PRORP: variants seen among roughly 807,000 people sequenced by gnomAD.
The protein encoded by PRORP is protein only RNase P catalytic subunit, also known as mitochondrial ribonuclease P catalytic subunit.
Under a neutral mutation model 59.4 loss-of-function variants are expected in PRORP, and 51 were observed. The ratio of observed to expected loss-of-function variants is 0.86; its 90% CI spans 0.69 to 1.08. PRORP has a LOEUF of 1.08. Ranked by LOEUF, PRORP falls within the 50% of genes least tolerant of loss-of-function variation. PRORP has a pLI of 0.00. For synonymous variants in PRORP, 231 were observed against 245.6 expected (o/e 0.94, Z 0.55); for missense variants, 646 against 690.3 (o/e 0.94, Z 0.72).
chr14:35,130,484 C>CT (rs58327846), intron 4 of PRORP, among the ~76,000 whole-genome samples: 17 of 146,786 alleles, frequency 1.2e-4, no homozygotes, highest in South Asian at 6.4e-4. Flanking sequence ...ATGTCCTTTT[C>CT]TTTTTTTTTT....
At chr14:35,167,375 C>CT (rs1047631462) in intron 4 of PRORP, among the ~76,000 whole-genome samples, 4 of 152,110 alleles carry the variant, frequency 2.6e-5, no homozygotes, top group Non-Finnish European at 4.4e-5. Flanking sequence ...CACCTCTACT[C>CT]TTTTTTGTCT....
At chr14:35,267,514 C>T (rs772682294) in intron 6 of PRORP, among the ~76,000 whole-genome samples, 15 of 152,008 alleles carry the variant, frequency 9.9e-5, no homozygotes, top group Non-Finnish European at 2.2e-4. Context: ...CGATGCAGGC[C>T]GGGCTCAGCC....
At chr14:35,137,364 G>A (rs2047398624) in intron 4 of PRORP, among the ~76,000 whole-genome samples, 1 of 145,312 alleles carries the variant, frequency 6.9e-6, no homozygotes, top group African/African-American at 2.4e-5. Context: ...GCACAAATGT[G>A]GAGGTTGGAA....
intron 5 of PRORP, among the ~76,000 whole-genome samples, chr14:35,237,084 T>TTCTCTC (rs34987600): frequency 1.2e-4 from 16 of 138,002 alleles, no homozygotes; most frequent in Admixed American, 2.2e-4. Flanking sequence ...CCTTCCTTCC[T>TTCTCTC]TCTCTCTCTC....
intron 7 of PRORP, among the ~76,000 whole-genome samples, chr14:35,273,076 A>T (rs2051235582): frequency 6.6e-6 from 1 of 151,998 alleles, no homozygotes; most frequent in Non-Finnish European, 1.5e-5. Flanking sequence ...ATATATTTTC[A>T]ATCTGTGGTT....
rs17103064 is a variant in PRORP, at chr14:35,126,732, T to C, written c.987-3T>C. On this transcript the variant is annotated splice_region_variant and splice_polypyrimidine_tract_variant and intron_variant, in intron 2 of 7. Transcript: ENST00000534898. ...ATGATTTGGTTTTGCAATCTTTTCA[T>C]AGTGTTCCTGGAAAACAATGGAAAG... 6.4e-3 allele frequency: 10,249 copies of C among 1,607,822 alleles called. 502 individuals are homozygous for C. In the African/African-American group the frequency reaches 0.11, roughly 17 times the overall value.
chr14:35,245,400 T>G (rs958336659), intron 5 of PRORP, among the ~76,000 whole-genome samples: 2 of 152,160 alleles, frequency 1.3e-5, no homozygotes, highest in Non-Finnish European at 2.9e-5. Flanking sequence ...ACCAGCACTT[T>G]GGGAGGCCGA....
Position 35,257,601 on chromosome 14 carries a change from A to G in PRORP, c.1276-9126A>G, listed in dbSNP as rs139833261. The stretch of plus-strand genomic sequence containing the variant: ...TTTATCGATCTATTCATCTTCCAGA[A>G]ATTGACATTTGGGTTGCTTCCAAAA... On this transcript the variant is annotated intron_variant, in intron 5 of 7. Transcript: ENST00000534898. 2.3e-3 allele frequency among the ~76,000 whole-genome samples: 344 copies of G among 152,332 alleles called. 3 individuals are homozygous for G. Among genetic ancestry groups the G allele is most frequent in the African/African-American group, 7.9e-3 (328 of 41,568 alleles).
At chr14:35,219,412 G>A (rs1293574418) in intron 5 of PRORP, 10 of 152,228 alleles carry the variant, frequency 6.6e-5, no homozygotes, top group African/African-American at 2.4e-4. Context: ...GCAAGCTAAA[G>A]GTAGGTGAGA....
intron 5 of PRORP, among the ~76,000 whole-genome samples, chr14:35,214,190 G>A (rs1353384868): frequency 1.3e-5 from 2 of 152,148 alleles, no homozygotes; most frequent in Admixed American, 6.6e-5. Context: ...GGAAGCAAGG[G>A]TACTTCTCAG....
At chr14:35,206,402 C>A (rs2049295920) in intron 5 of PRORP, among the ~76,000 whole-genome samples, 1 of 152,144 alleles carries the variant, frequency 6.6e-6, no homozygotes, top group Admixed American at 6.6e-5. Context: ...GGAAGATAAT[C>A]ACGATAACAT....
intron 7 of PRORP, among the ~76,000 whole-genome samples, chr14:35,271,798 G>T (rs1213271511): frequency 6.6e-6 from 1 of 152,202 alleles, no homozygotes; most frequent in African/African-American, 2.4e-5. Context: ...GCCAAGGCAG[G>T]TGGATCACTT....
intron 2 of PRORP, among the ~76,000 whole-genome samples, chr14:35,126,528 A>G (rs1271815663): frequency 1.3e-5 from 2 of 152,212 alleles, no homozygotes; most frequent in Non-Finnish European, 2.9e-5. Context: ...GAGGAGAACC[A>G]CAGGGAAGAA....
chr14:35,202,470 A>G (rs943083329), intron 5 of PRORP, among the ~76,000 whole-genome samples: 4 of 151,968 alleles, frequency 2.6e-5, no homozygotes, highest in African/African-American at 9.7e-5. Flanking sequence ...GAGGATTAGC[A>G]TGTATTTTTG....
intron 4 of PRORP, among the ~76,000 whole-genome samples, chr14:35,132,114 C>T (rs538192271): frequency 2.7e-5 from 4 of 150,380 alleles, no homozygotes; most frequent in Non-Finnish European, 5.9e-5. Context: ...GCTGGAATTA[C>T]AGGCATGAGC....
intron 5 of PRORP, among the ~76,000 whole-genome samples, chr14:35,225,410 G>A (rs1006293460): frequency 1.3e-5 from 2 of 151,688 alleles, no homozygotes; most frequent in Non-Finnish European, 2.9e-5. Flanking sequence ...GCAGTGGTGC[G>A]ATCTCGGCTC....
Position 35,273,549 on chromosome 14 carries a change from C to T in PRORP, c.1735C>T (p.Leu579Phe), listed in dbSNP as rs1247301144. Residue 579 changes from leucine to phenylalanine, a missense_variant, in exon 8 of 8, where the codon CTC (leucine) becomes TTC (phenylalanine). Transcript: ENST00000534898. ...TGAAGTACCAACCAAATGGCTTTGCCTCCACCAAAAGACATAGAGATTCTT... is the reference window on the plus strand; with the variant it reads ...TGAAGTACCAACCAAATGGCTTTGCTTCCACCAAAAGACATAGAGATTCTT... Reference protein sequence around the residue: ...SCEVPTKWLCLHQKT With the variant: ...SCEVPTKWLCFHQKT The T allele has an allele frequency of 6.2e-7, 1 of 1,613,294 alleles. No homozygotes were observed.
chr14:35,181,925 AC>A (rs554497053), intron 5 of PRORP, among the ~76,000 whole-genome samples: 92 of 152,270 alleles, frequency 6.0e-4, no homozygotes, highest in African/African-American at 2.1e-3. Context: ...AAAAAACAAA[AC>A]AAAACTGAAC....
intron 5 of PRORP, among the ~76,000 whole-genome samples, chr14:35,227,417 C>A (rs556144325): frequency 1.3e-5 from 2 of 151,712 alleles, no homozygotes; most frequent in East Asian, 2.0e-4. Flanking sequence ...GCACTCCAGC[C>A]TGGGTGACAG....
Sources: allele counts gnomAD v4.1 joint callset (sites outside exome capture counted in the v4.1 genomes callset), GRCh38; gene constraint gnomAD v4.1.1; transcripts MANE v1.5; gene names NCBI Gene and HGNC (gene_info 2026-07-23, HGNC 2026-07-21).